The following ATXN1 variants were observed in gnomAD, a reference collection of about 807,000 sequenced individuals.
ATXN1 encodes the protein ataxin-1.
In ATXN1, 8 loss-of-function variants were observed where a neutral mutation model predicts 56.4. The observed-to-expected ratio is 0.14, with a 90% CI of 0.08 to 0.26. ATXN1 has a LOEUF of 0.26. ATXN1 is among the 10% of genes least tolerant of loss of function. The pLI is 1.00. For synonymous variants in ATXN1, 514 were observed against 494.6 expected (o/e 1.04, Z -0.52); for missense variants, 987 against 1,106.5 (o/e 0.89, Z 1.53).
chr6:16,739,855 G>A (rs139691034), intron 2 of ATXN1: 98 of 456,782 alleles, frequency 2.1e-4, no homozygotes, highest in African/African-American at 1.5e-3. Context: ...ACCAAGTCCC[G>A]GGGACTTCCA....
chr6:16,606,077 T>C (rs141738820), intron 3 of ATXN1, among the ~76,000 whole-genome samples: 2 of 152,006 alleles, frequency 1.3e-5, no homozygotes, highest in Non-Finnish European at 2.9e-5. Context: ...TGCTGTGAGG[T>C]ACAATCACGC....
intron 2 of ATXN1, among the ~76,000 whole-genome samples, chr6:16,660,795 T>C (rs984049533): frequency 2.0e-5 from 3 of 150,438 alleles, no homozygotes; most frequent in Admixed American, 1.3e-4. Context: ...CTCAGTAGAA[T>C]ATCAACTCAG....
chr6:16,695,097 T>C (rs1032128209), intron 2 of ATXN1, among the ~76,000 whole-genome samples: 2 of 148,742 alleles, frequency 1.3e-5, no homozygotes, highest in African/African-American at 5.2e-5. Flanking sequence ...TTGGGCACCA[T>C]GGCTCTTGGG....
intron 4 of ATXN1, among the ~76,000 whole-genome samples, chr6:16,532,670 A>G (rs1198065738): frequency 6.6e-6 from 1 of 152,152 alleles, no homozygotes; most frequent in Non-Finnish European, 1.5e-5. Flanking sequence ...ATGACATACC[A>G]TTTCACTCAC....
rs151243361 is a variant in ATXN1 at position 16,449,518 on chromosome 6, AT to A, written c.-161+36453del. ...CTTCTTCTTCTTGTTTTTTAAGTACATCAATGAGCATCTCATTAATGTTATA... is the reference window on the plus strand; with the variant it reads ...CTTCTTCTTCTTGTTTTTTAAGTACACAATGAGCATCTCATTAATGTTATA... On this transcript the variant is annotated intron_variant, in intron 6 of 7. Coordinates refer to ENST00000436367, the MANE Select transcript of ATXN1 (RefSeq NM_001128164.2). 8.3e-3 allele frequency among the ~76,000 whole-genome samples: 1,262 copies of A among 152,258 alleles called. 15 individuals carry two copies. Among genetic ancestry groups the A allele is most frequent in the African/African-American group, 0.029 (1,195 of 41,528 alleles).
At chr6:16,330,181 G>T (rs753872762) in intron 6 of ATXN1, among the ~76,000 whole-genome samples, 1 of 152,000 alleles carries the variant, frequency 6.6e-6, no homozygotes, top group Non-Finnish European at 1.5e-5. Context: ...CTCCCAAAGT[G>T]CTAGGATTCC....
intron 4 of ATXN1, among the ~76,000 whole-genome samples, chr6:16,564,849 T>A (rs929100065): frequency 1.3e-5 from 2 of 151,806 alleles, no homozygotes; most frequent in Non-Finnish European, 2.9e-5. Flanking sequence ...CTTTTTTTTT[T>A]AATTTAAATA....
chr6:16,373,406 A>G (rs1762083887), intron 6 of ATXN1, among the ~76,000 whole-genome samples: 1 of 152,246 alleles, frequency 6.6e-6, no homozygotes, highest in African/African-American at 2.4e-5. Flanking sequence ...GTGAAAGACA[A>G]ATGGCAGATG....
chr6:16,571,388 C>T (rs1214812590), intron 4 of ATXN1, among the ~76,000 whole-genome samples: 1 of 152,164 alleles, frequency 6.6e-6, no homozygotes, highest in African/African-American at 2.4e-5. Flanking sequence ...ATATGTGCTT[C>T]CACAGCAAGC....
At chr6:16,603,775 A>C (rs1762952865) in intron 3 of ATXN1, among the ~76,000 whole-genome samples, 2 of 152,152 alleles carry the variant, frequency 1.3e-5, no homozygotes, top group Non-Finnish European at 2.9e-5. Context: ...GTGTTCCACC[A>C]GGTGAAACTG....
intron 7 of ATXN1, among the ~76,000 whole-genome samples, chr6:16,313,502 G>A (rs1760445511): frequency 6.6e-6 from 1 of 152,148 alleles, no homozygotes; most frequent in Admixed American, 6.5e-5. Context: ...CGAGAGAAAA[G>A]TGATGGAGAG....
intron 3 of ATXN1, among the ~76,000 whole-genome samples, chr6:16,645,194 A>G (rs911853756): frequency 6.6e-6 from 1 of 152,170 alleles, no homozygotes; most frequent in Non-Finnish European, 1.5e-5. Flanking sequence ...CCAAATATCT[A>G]GGGTTCCTGC....
In ATXN1 at chr6:16,654,541, TAAAAAAA is replaced by T. The variant is rs1212773515; in HGVS notation, c.-489+3228_-489+3234del. ...TAGCAACAGACCCAAGACTCTGCCT[TAAAAAAA>T]AAAAAAAAAAAAAAAAAAGAGAGAG... On this transcript the variant is annotated intron_variant, in intron 3 of 7. Transcript: ENST00000436367. Among the ~76,000 whole-genome samples, 19 of 122,532 alleles carry T rather than the reference TAAAAAAA, an allele frequency of 1.6e-4. No individual in the cohort carries two copies. In the South Asian group the frequency reaches 3.2e-3, roughly 21 times the overall value. The allele number at this position is 122,532 out of a possible 152,430, so 80.4% of individuals were successfully genotyped here. A position where few individuals can be genotyped will look rare whatever the true frequency, so the allele number is the denominator to read the frequency against.
At chr6:16,735,539 A>T (rs950586638) in intron 2 of ATXN1, among the ~76,000 whole-genome samples, 3 of 152,200 alleles carry the variant, frequency 2.0e-5, no homozygotes, top group African/African-American at 7.2e-5. Flanking sequence ...AATATCCAGG[A>T]ACCCTTTCAG....
At chr6:16,434,533 C>T (rs1759349665) in intron 6 of ATXN1, among the ~76,000 whole-genome samples, 1 of 152,172 alleles carries the variant, frequency 6.6e-6, no homozygotes, top group African/African-American at 2.4e-5. Context: ...ATAGAGAATA[C>T]ATGTTAATGT....
chr6:16,739,658 C>A (rs1760262416), intron 2 of ATXN1: 1 of 373,402 alleles, frequency 2.7e-6, no homozygotes, highest in African/African-American at 2.1e-5. Flanking sequence ...AATGACTAAG[C>A]CTGCGCCAGC....
chr6:16,526,037 A>T (rs1581821457), intron 4 of ATXN1, among the ~76,000 whole-genome samples: 1 of 111,146 alleles, frequency 9.0e-6, no homozygotes, highest in Non-Finnish European at 1.7e-5. Flanking sequence ...ATATAGAAAT[A>T]AATCTATATA....
At chr6:16,414,369 T>C (rs1488059789) in intron 6 of ATXN1, among the ~76,000 whole-genome samples, 1 of 152,218 alleles carries the variant, frequency 6.6e-6, no homozygotes, top group Non-Finnish European at 1.5e-5. Flanking sequence ...CATTTTGGTA[T>C]GATTCTTGCA....
At position 16,524,492 on chromosome 6, in the gene ATXN1, A is replaced by T. The variant is rs575052360; in HGVS notation, c.-360-1804T>A. On this transcript the variant is annotated intron_variant, in intron 4 of 7. Coordinates refer to ENST00000436367, the MANE Select transcript of ATXN1 (RefSeq NM_001128164.2). ...TCTTGAGACCACGAAAACTGATTTC[A>T]AAGTCAGACCTCAGTCTGAGCCTCA... 9.5e-4 allele frequency among the ~76,000 whole-genome samples: 144 copies of T among 152,350 alleles called. No individual in the cohort carries two copies. The Middle Eastern group carries it at 0.014, about 14-fold the overall frequency.
Sources: gnomAD v4.1 joint callset for allele counts (sites outside exome capture counted in the v4.1 genomes callset) on GRCh38, gnomAD v4.1.1 for gene constraint, MANE v1.5 for transcripts, NCBI Gene and HGNC (gene_info 2026-07-23, HGNC 2026-07-21) for gene names.